NR6A1: variants seen among roughly 807,000 people sequenced by gnomAD.
The protein encoded by NR6A1 is retinoic acid receptor-related testis-associated receptor.
In NR6A1, 7 loss-of-function variants were observed where a neutral mutation model predicts 59.1. That is an observed-to-expected ratio of 0.12 (90% CI 0.07 to 0.22). The LOEUF is 0.22. Ranked by LOEUF, NR6A1 falls within the 10% of genes least tolerant of loss-of-function variation. NR6A1 has a pLI of 1.00. For missense variants in NR6A1, 468 were observed against 611.6 expected (o/e 0.77, Z 2.48); for synonymous variants, 243 against 236.1 (o/e 1.03, Z -0.27).
chr9:124,658,820 TTAAG>T (rs1268128308), intron 2 of NR6A1: 1 of 152,152 alleles, frequency 6.6e-6, no homozygotes, highest in Non-Finnish European at 1.5e-5. Context: ...CTAAAATCTT[TTAAG>T]TAATTTGTGT....
intron 2 of NR6A1, among the ~76,000 whole-genome samples, chr9:124,634,681 G>A (rs553304822): frequency 6.6e-6 from 1 of 152,268 alleles, no homozygotes; most frequent in Admixed American, 6.5e-5. Flanking sequence ...AATTAGCTGG[G>A]CATGGTGGCG....
intron 2 of NR6A1, among the ~76,000 whole-genome samples, chr9:124,673,105 T>C (rs947476742): frequency 2.0e-5 from 3 of 152,106 alleles, no homozygotes; most frequent in African/African-American, 7.2e-5. Flanking sequence ...GCGGATTGCT[T>C]GAGCCCAGGA....
chr9:124,601,511 G>A (rs996644614), intron 2 of NR6A1, among the ~76,000 whole-genome samples: 1 of 151,076 alleles, frequency 6.6e-6, no homozygotes, highest in Non-Finnish European at 1.5e-5. Flanking sequence ...GTGAACCTGG[G>A]AGGCGGAGCT....
chr9:124,595,837 G>A (rs1421542034), intron 2 of NR6A1: 1 of 1,288,948 alleles, frequency 7.8e-7, no homozygotes, highest in East Asian at 5.5e-5. Flanking sequence ...GACAAGTCCA[G>A]CTTGATGACT....
At chr9:124,528,653 A>C (rs553864135) in intron 7 of NR6A1, among the ~76,000 whole-genome samples, 19 of 152,098 alleles carry the variant, frequency 1.2e-4, no homozygotes, top group African/African-American at 4.1e-4. Context: ...GTGAGCTGTG[A>C]CTGTTATCAC....
At chr9:124,647,218 T>C (rs557020159) in intron 2 of NR6A1, among the ~76,000 whole-genome samples, 1 of 152,246 alleles carries the variant, frequency 6.6e-6, no homozygotes, top group East Asian at 1.9e-4. Context: ...TGCCTGGCCC[T>C]GGTTTTTTAA....
intron 2 of NR6A1, among the ~76,000 whole-genome samples, chr9:124,579,557 A>G (rs1834701471): frequency 6.6e-6 from 1 of 152,134 alleles, no homozygotes; most frequent in Admixed American, 6.5e-5. Context: ...TCACAAAATA[A>G]AAAATAATAA....
At chr9:124,695,558 T>C (rs1418177157) in intron 2 of NR6A1, among the ~76,000 whole-genome samples, 1 of 151,996 alleles carries the variant, frequency 6.6e-6, no homozygotes, top group Non-Finnish European at 1.5e-5. Context: ...GAAATGTGTT[T>C]TTAGTAGAGC....
Position 124,692,038 on chromosome 9 carries a change from C to T in NR6A1, c.142+41270G>A, listed in dbSNP as rs769287466. Among the ~76,000 whole-genome samples the T allele has an allele frequency of 7.2e-5, 11 of 152,054 alleles. 1 individual carries two copies. The highest frequency in any genetic ancestry group is 1.5e-4 in the Non-Finnish European group (10 of 68,018). ...TCTGGCTTATAACCTTGGCTCCTGG[C>T]AATGTAACTTTAGGCAAATCACTTC... On this transcript the variant is annotated intron_variant, in intron 2 of 9. Coordinates refer to ENST00000487099, the MANE Select transcript of NR6A1 (RefSeq NM_033334.4).
chr9:124,666,525 C>T (rs141045527), intron 2 of NR6A1, among the ~76,000 whole-genome samples: 5 of 152,280 alleles, frequency 3.3e-5, no homozygotes, highest in Admixed American at 6.5e-5. Flanking sequence ...GCAATCCACC[C>T]GCCTTGGCCT....
rs540361933 is a variant in NR6A1 at position 124,667,006 on chromosome 9, T to C, written c.142+66302A>G. On this transcript the variant is annotated intron_variant, in intron 2 of 9. Coordinates refer to ENST00000487099, the MANE Select transcript of NR6A1 (RefSeq NM_033334.4). Reference sequence around the variant, plus strand: ...GCTTCGTATGTAGTAGCTATGGTTTTACAAATTGCGAATATTACTATTATC... The same window carrying C: ...GCTTCGTATGTAGTAGCTATGGTTTCACAAATTGCGAATATTACTATTATC... 2.2e-3 allele frequency among the ~76,000 whole-genome samples: 335 copies of C among 152,214 alleles called. 1 individual carries two copies. Among genetic ancestry groups the C allele is most frequent in the Non-Finnish European group, 2.0e-3 (136 of 68,010 alleles).
chr9:124,750,872 G>A (rs1027473320), intron 1 of NR6A1, among the ~76,000 whole-genome samples: 1 of 152,060 alleles, frequency 6.6e-6, no homozygotes, highest in Non-Finnish European at 1.5e-5. Flanking sequence ...GGCTAAAATT[G>A]AAGTCTGGCT....
chr9:124,626,881 CCAAGAGGG>C (rs1836260768), intron 2 of NR6A1, among the ~76,000 whole-genome samples: 1 of 152,086 alleles, frequency 6.6e-6, no homozygotes, highest in Non-Finnish European at 1.5e-5. Context: ...TTGCAGTGAG[CCAAGAGGG>C]CACCACTGCA....
chr9:124,586,798 GA>G (rs1834950709), intron 2 of NR6A1, among the ~76,000 whole-genome samples: 1 of 152,126 alleles, frequency 6.6e-6, no homozygotes. Context: ...GAGGAGCAAA[GA>G]AAGAGGTTTC....
At chr9:124,765,207 C>A (rs886072390) in intron 1 of NR6A1, among the ~76,000 whole-genome samples, 6 of 152,190 alleles carry the variant, frequency 3.9e-5, no homozygotes, top group Non-Finnish European at 8.8e-5. Flanking sequence ...GGAGAAACCA[C>A]AAACTACCCT....
chr9:124,582,920 G>A (rs1157793271), intron 2 of NR6A1, among the ~76,000 whole-genome samples: 1 of 152,178 alleles, frequency 6.6e-6, no homozygotes, highest in East Asian at 1.9e-4. Flanking sequence ...CACTGTGGAG[G>A]TGGTTACAGA....
chr9:124,666,963 AC>A (rs780160197), intron 2 of NR6A1, among the ~76,000 whole-genome samples: 14 of 152,038 alleles, frequency 9.2e-5, no homozygotes, highest in Non-Finnish European at 1.8e-4. Context: ...CTAGCATAGC[AC>A]CTAGAACACC....
In NR6A1 at chr9:124,695,437, C is replaced by T. The variant is rs545352930; in HGVS notation, c.142+37871G>A. On this transcript the variant is annotated intron_variant, in intron 2 of 9. Transcript: ENST00000487099. ...TTTCCCAGGCTGGAGTACAGTGATG[C>T]GATCTCGGCTCACTGCAACCTCTGC... 6.8e-4 allele frequency among the ~76,000 whole-genome samples: 103 copies of T among 152,212 alleles called. 1 individual carries two copies. The South Asian group carries it at 0.018, about 27-fold the overall frequency.
chr9:124,739,315 A>G (rs1411524474), intron 1 of NR6A1, among the ~76,000 whole-genome samples: 2 of 152,222 alleles, frequency 1.3e-5, no homozygotes, highest in African/African-American at 4.8e-5. Flanking sequence ...AAAAATAACC[A>G]TCACATTCAA....
Sources: gnomAD v4.1 joint callset for allele counts (sites outside exome capture counted in the v4.1 genomes callset) on GRCh38, gnomAD v4.1.1 for gene constraint, MANE v1.5 for transcripts, NCBI Gene and HGNC (gene_info 2026-07-23, HGNC 2026-07-21) for gene names.